The following SHISA9 variants were observed in gnomAD, a reference collection of about 807,000 sequenced individuals.
SHISA9 encodes the protein shisa family member 9.
In SHISA9, 13 loss-of-function variants were observed where a neutral mutation model predicts 38.0. The observed-to-expected ratio is 0.34, with a 90% CI of 0.22 to 0.54. The LOEUF is 0.54. SHISA9 is among the 20% of genes least tolerant of loss of function. The pLI is 0.91. For missense variants in SHISA9, 538 were observed against 575.8 expected, an observed-to-expected ratio of 0.93 and a Z score of 0.67; for synonymous variants, 275 against 242.0, an observed-to-expected ratio of 1.14 and a Z score of -1.27.
intron 2 of SHISA9, among the ~76,000 whole-genome samples, chr16:13,174,540 T>TGA (rs896152668): frequency 6.6e-6 from 1 of 152,138 alleles, no homozygotes; most frequent in African/African-American, 2.4e-5. Flanking sequence ...GGGGCAGGGA[T>TGA]GAAGGCTAAG....
chr16:13,266,737 C>G, the SHISA9 span, among the ~76,000 whole-genome samples: 2 of 151,910 alleles, frequency 1.3e-5, no homozygotes, highest in African/African-American at 4.8e-5. Context: ...GTGGGTGGAA[C>G]AGAGAGAAAA....
the SHISA9 span, among the ~76,000 whole-genome samples, chr16:13,462,614 C>G: frequency 6.6e-6 from 1 of 152,050 alleles, no homozygotes; most frequent in Non-Finnish European, 1.5e-5. Flanking sequence ...GCTTTGAGGT[C>G]ACGAGTTCGA....
the SHISA9 span, among the ~76,000 whole-genome samples, chr16:13,354,561 TAG>T: frequency 3.1e-4 from 46 of 148,324 alleles, 1 homozygote; most frequent in African/African-American, 1.1e-3. Context: ...AGAACGAAAA[TAG>T]ATTTTGGAAG....
At chr16:13,099,441 G>C (rs556911022) in intron 2 of SHISA9, among the ~76,000 whole-genome samples, 8 of 152,336 alleles carry the variant, frequency 5.3e-5, no homozygotes, top group African/African-American at 1.7e-4. Context: ...ATGCTGGGGA[G>C]AGGGTAGAAT....
intron 2 of SHISA9, among the ~76,000 whole-genome samples, chr16:13,069,065 G>A (rs276620): frequency 0.02 from 3,074 of 151,638 alleles, 102 homozygotes; most frequent in African/African-American, 0.07. Flanking sequence ...GTATATGTAT[G>A]TGTGTACATG....
intron 2 of SHISA9, among the ~76,000 whole-genome samples, chr16:12,977,512 C>T (rs1034857942): frequency 1.3e-5 from 2 of 152,124 alleles, no homozygotes; most frequent in Admixed American, 6.5e-5. Context: ...AAGATATATG[C>T]GCGTGTATGT....
the SHISA9 span, among the ~76,000 whole-genome samples, chr16:13,320,028 C>T: frequency 4.0e-5 from 6 of 151,780 alleles, no homozygotes; most frequent in Non-Finnish European, 7.4e-5. Flanking sequence ...CACGGTGGCT[C>T]GCACCCGTAA....
rs1197109154 is a variant in SHISA9 at position 13,014,406 on chromosome 16, C to T, written c.691+97591C>T. Among the ~76,000 whole-genome samples, 5 of 152,164 alleles carry T rather than the reference C, an allele frequency of 3.3e-5. No individual in the cohort carries two copies. The East Asian group carries it at 9.6e-4, about 29-fold the overall frequency. On this transcript the variant is annotated intron_variant, in intron 2 of 4. Transcript: ENST00000558583. ...TTTTTCTGAGCCCACTTGTTAACGT[C>T]CTCTGATGGCAGTTTGGGAAGGGCT...
the SHISA9 span, among the ~76,000 whole-genome samples, chr16:13,366,680 AAAAAT>A: frequency 9.9e-5 from 15 of 151,848 alleles, no homozygotes; most frequent in Admixed American, 3.3e-4. Flanking sequence ...CTGTCTCTAC[AAAAAT>A]AAAATAAAAT....
chr16:12,948,898 C>G (rs2071720349), intron 2 of SHISA9, among the ~76,000 whole-genome samples: 1 of 152,186 alleles, frequency 6.6e-6, no homozygotes, highest in Non-Finnish European at 1.5e-5. Flanking sequence ...AATAAACCAA[C>G]ATTATGCCAT....
chr16:13,458,396 C>A, the SHISA9 span: 1 of 372,714 alleles, frequency 2.7e-6, no homozygotes, highest in Non-Finnish European at 5.3e-6. Context: ...CTTTATGATG[C>A]TGTAACGATG....
the SHISA9 span, among the ~76,000 whole-genome samples, chr16:13,313,262 A>C: frequency 1.4e-4 from 20 of 140,740 alleles, no homozygotes; most frequent in Middle Eastern, 3.8e-3. Context: ...CTCAAAAAAA[A>C]AAAAAAAAAA....
chr16:13,095,043 G>C (rs2073811890), intron 2 of SHISA9, among the ~76,000 whole-genome samples: 1 of 152,088 alleles, frequency 6.6e-6, no homozygotes, highest in South Asian at 2.1e-4. Context: ...CTTCCTCCTT[G>C]ATAGAGAAAA....
chr16:12,944,559 G>T (rs1484564867), intron 2 of SHISA9, among the ~76,000 whole-genome samples: 1 of 152,182 alleles, frequency 6.6e-6, no homozygotes. Flanking sequence ...AGACTGGATT[G>T]AAATAGCTGG....
chr16:13,510,773 T>C, the SHISA9 span, among the ~76,000 whole-genome samples: 3 of 150,986 alleles, frequency 2.0e-5, no homozygotes, highest in Non-Finnish European at 2.9e-5. Context: ...TTATTGTTGA[T>C]AAATGTGAAT....
chr16:13,068,387 G>T (rs975877804), intron 2 of SHISA9, among the ~76,000 whole-genome samples: 3 of 152,162 alleles, frequency 2.0e-5, no homozygotes, highest in African/African-American at 7.2e-5. Context: ...AAATAAAAAG[G>T]TTCATAAAAG....
the SHISA9 span, among the ~76,000 whole-genome samples, chr16:13,441,987 A>T: frequency 6.6e-6 from 1 of 152,388 alleles, no homozygotes; most frequent in African/African-American, 2.4e-5. Context: ...ATGCAAACTC[A>T]GCTGCCTCCA....
chr16:13,383,128 C>A, the SHISA9 span, among the ~76,000 whole-genome samples: 6 of 152,214 alleles, frequency 3.9e-5, no homozygotes, highest in South Asian at 8.3e-4. Context: ...TCAAGCGATA[C>A]AAAATGCTAC....
chr16:13,221,536 T>C (rs912526111), intron 4 of SHISA9, among the ~76,000 whole-genome samples: 6 of 151,786 alleles, frequency 4.0e-5, no homozygotes, highest in Non-Finnish European at 8.8e-5. Flanking sequence ...AAAACGGTCC[T>C]ATATAAGTTA....
Sources: allele counts gnomAD v4.1 joint callset (sites outside exome capture counted in the v4.1 genomes callset), GRCh38; gene constraint gnomAD v4.1.1; transcripts MANE v1.5; gene names NCBI Gene and HGNC (gene_info 2026-07-23, HGNC 2026-07-21).